CD247: variants seen among roughly 807,000 people sequenced by gnomAD.
CD247 encodes CD247 molecule.
Under a neutral mutation model 30.0 loss-of-function variants are expected in CD247, and 13 were observed. The observed-to-expected ratio is 0.43, with a 90% CI of 0.28 to 0.69. The LOEUF (loss-of-function observed/expected upper bound fraction) is 0.69. Among genes scored for constraint, CD247 ranks in the 30% least tolerant of loss-of-function variants. CD247 has a pLI of 0.16. For synonymous variants in CD247, 72 were observed against 80.0 expected, an observed-to-expected ratio of 0.90 and a Z score of 0.53; for missense variants, 193 against 212.6, an observed-to-expected ratio of 0.91 and a Z score of 0.57.
intron 1 of CD247, among the ~76,000 whole-genome samples, chr1:167,482,430 C>A (rs547046162): frequency 6.6e-6 from 1 of 152,298 alleles, no homozygotes; most frequent in Non-Finnish European, 1.5e-5. Context: ...TCTGCCCTGG[C>A]CTCTGTGGGG....
Position 167,498,631 on chromosome 1 carries a change from A to C in CD247, c.58+19777T>G, listed in dbSNP as rs1654788642. On this transcript the variant is annotated intron_variant, in intron 1 of 7. Coordinates refer to ENST00000362089, the MANE Select transcript of CD247 (RefSeq NM_198053.3). ...TACACACATTTTCTTTAATTATCCC[A>C]ATGACCCTGCAAGGTAGGTAATCTT... 2.6e-5 allele frequency among the ~76,000 whole-genome samples: 4 copies of C among 152,228 alleles called. No individual in the cohort carries two copies. The South Asian group carries it at 8.3e-4, about 31-fold the overall frequency.
intron 1 of CD247, chr1:167,448,560 G>A: frequency 1.0e-6 from 1 of 983,582 alleles, no homozygotes; most frequent in Non-Finnish European, 1.2e-6. Context: ...AGTGCTTATA[G>A]CAATGACCCA....
At chr1:167,455,298 C>T (rs1652587178) in intron 1 of CD247, among the ~76,000 whole-genome samples, 2 of 152,248 alleles carry the variant, frequency 1.3e-5, no homozygotes, top group Non-Finnish European at 2.9e-5. Flanking sequence ...GGCTTGGGGC[C>T]GGGTCCCTCC....
chr1:167,448,690 T>C (rs954302508), intron 1 of CD247, among the ~76,000 whole-genome samples: 5 of 152,114 alleles, frequency 3.3e-5, no homozygotes, highest in African/African-American at 1.2e-4. Context: ...TGAAACCACA[T>C]CTCTACTAAA....
intron 1 of CD247, among the ~76,000 whole-genome samples, chr1:167,471,034 G>C (rs1260302199): frequency 1.3e-5 from 2 of 151,892 alleles, no homozygotes; most frequent in African/African-American, 4.8e-5. Flanking sequence ...ACCACGCCCG[G>C]CTAATTTTTT....
chr1:167,446,764 C>T (rs112675346), intron 1 of CD247, among the ~76,000 whole-genome samples: 2 of 152,100 alleles, frequency 1.3e-5, no homozygotes, highest in Non-Finnish European at 1.5e-5. Flanking sequence ...GAGGCCGAGG[C>T]GGGCGGATCA....
intron 1 of CD247, among the ~76,000 whole-genome samples, chr1:167,475,070 A>G (rs2102054955): frequency 6.6e-6 from 1 of 152,226 alleles, no homozygotes; most frequent in Non-Finnish European, 1.5e-5. Context: ...AAATATTTTT[A>G]TGTTCCTACA....
At chr1:167,504,499 C>T (rs996176295) in intron 1 of CD247, among the ~76,000 whole-genome samples, 9 of 152,232 alleles carry the variant, frequency 5.9e-5, no homozygotes, top group African/African-American at 2.2e-4. Flanking sequence ...GCACTCTTCA[C>T]TAACAGGAAA....
intron 1 of CD247, among the ~76,000 whole-genome samples, chr1:167,469,783 C>T (rs1011074574): frequency 6.6e-6 from 1 of 152,194 alleles, no homozygotes; most frequent in Non-Finnish European, 1.5e-5. Context: ...TGGGGCACAG[C>T]CTCCTTGGAT....
chr1:167,510,757 G>C (rs997510916), intron 1 of CD247, among the ~76,000 whole-genome samples: 6 of 152,166 alleles, frequency 3.9e-5, no homozygotes, highest in Admixed American at 6.5e-5. Context: ...GCAAAAGAGG[G>C]GGGTAGGGGT....
chr1:167,441,185 A>G (rs1349062753), intron 1 of CD247, among the ~76,000 whole-genome samples: 1 of 152,214 alleles, frequency 6.6e-6, no homozygotes, highest in Non-Finnish European at 1.5e-5. Flanking sequence ...TGTGGCTCTG[A>G]GGCCTACCCA....
chr1:167,488,128 C>T (rs1654292792), intron 1 of CD247, among the ~76,000 whole-genome samples: 1 of 152,042 alleles, frequency 6.6e-6, no homozygotes, highest in South Asian at 2.1e-4. Context: ...AATTGTTACC[C>T]CAAAAGGTTT....
Position 167,518,316 on chromosome 1 carries a change from G to C in CD247, c.58+92C>G, listed in dbSNP as rs1318331459. Reference sequence around the variant, plus strand: ...AGGGCAGGATTTGAAGGAGACCCCAGCCCCTCACCACCCTCCACTACCCAC... The same window carrying C: ...AGGGCAGGATTTGAAGGAGACCCCACCCCCTCACCACCCTCCACTACCCAC... On this transcript the variant is annotated intron_variant, in intron 1 of 7. Coordinates refer to ENST00000362089, the MANE Select transcript of CD247 (RefSeq NM_198053.3). The C allele has an allele frequency of 2.5e-6, 3 of 1,198,338 alleles. No homozygotes were observed. The East Asian group carries it at 7.0e-5, about 28-fold the overall frequency. The allele number at this position is 1,198,338 out of a possible 1,614,324, so 74.2% of individuals were successfully genotyped here.
At chr1:167,517,282 C>T (rs1655647962) in intron 1 of CD247, among the ~76,000 whole-genome samples, 1 of 152,226 alleles carries the variant, frequency 6.6e-6, no homozygotes, top group African/African-American at 2.4e-5. Flanking sequence ...CAGAAGTGCC[C>T]ATGGCCTCTC....
At chr1:167,437,928 TC>T (rs1193259847) in intron 4 of CD247, among the ~76,000 whole-genome samples, 3 of 152,206 alleles carry the variant, frequency 2.0e-5, no homozygotes, top group Non-Finnish European at 4.4e-5. Flanking sequence ...CTTAATTTAA[TC>T]ATTTCATATT....
Position 167,494,516 on chromosome 1 carries a change from C to T in CD247, c.58+23892G>A, listed in dbSNP as rs1049966168. On this transcript the variant is annotated intron_variant, in intron 1 of 7. Coordinates refer to ENST00000362089, the MANE Select transcript of CD247 (RefSeq NM_198053.3). This position sits in a 1 kb window ranked among gnomAD's most constrained non-coding sequence, Gnocchi z 7.3. ...TATGGGGATAATGTCCTCACCCTGTCGACCTCATGGGGCTGCTGTGAGGGT... is the reference window on the plus strand; with the variant it reads ...TATGGGGATAATGTCCTCACCCTGTTGACCTCATGGGGCTGCTGTGAGGGT... Among the ~76,000 whole-genome samples, 7 of 152,112 alleles carry T rather than the reference C, an allele frequency of 4.6e-5. No homozygotes were observed. Among genetic ancestry groups the T allele is most frequent in the Admixed American group, 2.6e-4 (4 of 15,278 alleles).
chr1:167,486,860 G>A (rs1474544092), intron 1 of CD247, among the ~76,000 whole-genome samples: 1 of 152,150 alleles, frequency 6.6e-6, no homozygotes, highest in African/African-American at 2.4e-5. Flanking sequence ...GATCACCTGA[G>A]GTCAGGAGTT....
chr1:167,509,157 G>A (rs554156753), intron 1 of CD247, among the ~76,000 whole-genome samples: 21 of 152,040 alleles, frequency 1.4e-4, no homozygotes, highest in Non-Finnish European at 2.5e-4. Context: ...ACTTGAGGTC[G>A]GGAGTTTGAG....
intron 1 of CD247, among the ~76,000 whole-genome samples, chr1:167,491,853 G>A (rs753691379): frequency 6.6e-6 from 1 of 152,200 alleles, no homozygotes; most frequent in Non-Finnish European, 1.5e-5. Flanking sequence ...TAGGCTAAGT[G>A]AAATAAGCCA....
Sources: allele counts gnomAD v4.1 joint callset (sites outside exome capture counted in the v4.1 genomes callset), GRCh38; gene constraint gnomAD v4.1.1; non-coding constraint Gnocchi (gnomAD v3.1); transcripts MANE v1.5; gene names NCBI Gene and HGNC (gene_info 2026-07-23, HGNC 2026-07-21).